NDUFAF7: variants seen among roughly 807,000 people sequenced by gnomAD.
NDUFAF7 encodes protein arginine methyltransferase NDUFAF7, mitochondrial.
In NDUFAF7, 48 loss-of-function variants were observed where a neutral mutation model predicts 47.2. That is an observed-to-expected ratio of 1.02 (90% CI 0.81 to 1.29). NDUFAF7 has a LOEUF of 1.29. Ranked by LOEUF, NDUFAF7 falls within the 50% of genes most tolerant of loss-of-function variation. The pLI is 0.00. For synonymous variants in NDUFAF7, 217 were observed against 190.0 expected (o/e 1.14, Z -1.17); for missense variants, 635 against 537.6 (o/e 1.18, Z -1.79).
At chr2:37,233,618 T>C in intron 2 of NDUFAF7, among the ~76,000 whole-genome samples, 1 of 136,810 alleles carries the variant, frequency 7.3e-6, no homozygotes, top group African/African-American at 2.8e-5. Context: ...CGAGACTCTG[T>C]CTCAAAAAAA....
downstream of NDUFAF7, chr2:37,252,847 T>TTATATTTATATA (rs1553362997): frequency 4.1e-5 from 6 of 145,014 alleles, no homozygotes; most frequent in South Asian, 2.2e-4. Context: ...ATATTTATAT[T>TTATATTTATATA]TATATATATA....
chr2:37,249,779 G>GAGTT (rs778849392), downstream of NDUFAF7, among the ~76,000 whole-genome samples: 31 of 152,230 alleles, frequency 2.0e-4, no homozygotes, highest in Admixed American at 1.7e-3. Context: ...TGGAAACAAA[G>GAGTT]AGTTAGAGAA....
chr2:37,258,253 CAT>C (rs1375586205), downstream of NDUFAF7, among the ~76,000 whole-genome samples: 4 of 152,332 alleles, frequency 2.6e-5, no homozygotes, highest in East Asian at 5.8e-4. Context: ...GACTCTGACA[CAT>C]ATTTTTATGA....
chr2:37,270,120 G>A, the NDUFAF7 span, among the ~76,000 whole-genome samples: 2 of 151,974 alleles, frequency 1.3e-5, no homozygotes, highest in Admixed American at 6.6e-5. Flanking sequence ...CTAGCTACTC[G>A]GGAGGCTGAG....
intron 2 of NDUFAF7, among the ~76,000 whole-genome samples, chr2:37,234,678 G>T (rs6744166): frequency 5.3e-4 from 80 of 152,256 alleles, no homozygotes; most frequent in African/African-American, 1.9e-3. Flanking sequence ...TTTGAATGCT[G>T]AAGGGGGAAA....
downstream of NDUFAF7, among the ~76,000 whole-genome samples, chr2:37,257,746 T>C (rs1239192688): frequency 6.6e-6 from 1 of 151,730 alleles, no homozygotes; most frequent in African/African-American, 2.4e-5. Flanking sequence ...GAATCTCTTT[T>C]CCTAAGGATG....
rs1667181808 is a variant in NDUFAF7 at position 37,248,679 on chromosome 2, C to T, written c.*329C>T. On this transcript the variant is annotated 3_prime_UTR_variant, in exon 10 of 10. Coordinates refer to ENST00000002125, the MANE Select transcript of NDUFAF7 (RefSeq NM_144736.5). ...CCTGTAATCCCAGCACTTTGGGAGGCTGAGGTGGGCATATCACCTGAGGTC... is the reference window on the plus strand; with the variant it reads ...CCTGTAATCCCAGCACTTTGGGAGGTTGAGGTGGGCATATCACCTGAGGTC... 1 of 350,508 alleles carries T rather than the reference C, an allele frequency of 2.9e-6. No individual in the cohort carries two copies. The highest frequency in any genetic ancestry group is 7.4e-5 in the East Asian group (1 of 13,578). The allele number at this position is 350,508 out of a possible 1,614,324, so 21.7% of individuals were successfully genotyped here.
chr2:37,235,595 C>G (rs1164284766), intron 2 of NDUFAF7, among the ~76,000 whole-genome samples: 2 of 152,008 alleles, frequency 1.3e-5, no homozygotes, highest in African/African-American at 4.8e-5. Context: ...TGTAAAATGA[C>G]TGTTACTTTG....
At chr2:37,249,441 G>A (rs1423901612), downstream of NDUFAF7, among the ~76,000 whole-genome samples, 1 of 152,024 alleles carries the variant, frequency 6.6e-6, no homozygotes, top group Non-Finnish European at 1.5e-5. Flanking sequence ...GCCTGGTGTG[G>A]TGGTGGGCGC....
chr2:37,256,901 C>T (rs1667997686), downstream of NDUFAF7: 12 of 1,613,830 alleles, frequency 7.4e-6, no homozygotes, highest in South Asian at 1.1e-5. Context: ...ACCAATGATG[C>T]GTGCAAATCC....
chr2:37,232,424 GGTCAGGGCTGGCTCAC>G (rs1042346207), intron 2 of NDUFAF7, among the ~76,000 whole-genome samples, 158 bp downstream of exon 2: 2 of 152,184 alleles, frequency 1.3e-5, no homozygotes, highest in African/African-American at 4.8e-5. Flanking sequence ...TTTGTCAGTT[GGTCAGGGCTGGCTCAC>G]GTCAGAGGCA....
chr2:37,266,949 T>G, the NDUFAF7 span, among the ~76,000 whole-genome samples: 1 of 152,238 alleles, frequency 6.6e-6, no homozygotes, highest in African/African-American at 2.4e-5. Flanking sequence ...GTAAAAATGC[T>G]AGATGAAAAA....
In NDUFAF7 at chr2:37,242,387, A is replaced by T. The variant is rs530592378; in HGVS notation, c.623-248A>T. ...CAACTCTGACTTCTAATTTCTTTCAAGCCTTGTGATGAATAAAAGCTTTAA... is the reference window on the plus strand; with the variant it reads ...CAACTCTGACTTCTAATTTCTTTCATGCCTTGTGATGAATAAAAGCTTTAA... On this transcript the variant is annotated intron_variant, in intron 5 of 9. Transcript: ENST00000002125. 3 of 327,522 alleles carry T rather than the reference A, an allele frequency of 9.2e-6. No homozygotes were observed. The South Asian group carries it at 1.2e-4, about 13-fold the overall frequency. 20.3% of individuals were successfully genotyped at this position (327,522 alleles called of 1,614,324 possible).
rs540648312 is a variant in NDUFAF7 at position 37,248,073 on chromosome 2, G to C, written c.1111-62G>C. 279 of 1,303,062 alleles carry C rather than the reference G, an allele frequency of 2.1e-4. 3 individuals are homozygous for C. In the South Asian group the frequency reaches 3.4e-3, roughly 16 times the overall value. 80.7% of individuals were successfully genotyped at this position (1,303,062 alleles called of 1,614,324 possible). ...GGAATATTTGAGAGTCATTAGTATTGCTGCATGTAACTAGGAATCCTGTCT... is the reference window on the plus strand; with the variant it reads ...GGAATATTTGAGAGTCATTAGTATTCCTGCATGTAACTAGGAATCCTGTCT... On this transcript the variant is annotated intron_variant, in intron 9 of 9. Transcript: ENST00000002125.
At chr2:37,264,608 G>C in the NDUFAF7 span, among the ~76,000 whole-genome samples, 128 of 152,140 alleles carry the variant, frequency 8.4e-4, no homozygotes, top group Non-Finnish European at 1.1e-3. Context: ...ACGGAGACAA[G>C]GGAGTATGAC....
In NDUFAF7 at chr2:37,237,596, G is replaced by C. The variant is rs1330780833; in HGVS notation, c.298-161G>C. Among the ~76,000 whole-genome samples the C allele has an allele frequency of 2.6e-5, 4 of 152,192 alleles. No individual in the cohort carries two copies. In the East Asian group the frequency reaches 7.7e-4, roughly 29 times the overall value. On this transcript the variant is annotated intron_variant, in intron 3 of 9. Transcript: ENST00000002125. ...GTATGTTATGATGTAGTCCCAGGAA[G>C]TTCCTATGTGAACATGTACGTATGT...
chr2:37,253,312 A>G (rs765963451), downstream of NDUFAF7: 1 of 1,613,078 alleles, frequency 6.2e-7, no homozygotes, highest in South Asian at 1.1e-5. Context: ...CTCCAATGCG[A>G]GTTTCAAATT....
At chr2:37,259,484 G>T in the NDUFAF7 span, 1 of 736,476 alleles carries the variant, frequency 1.4e-6, no homozygotes, top group Non-Finnish European at 2.2e-6. Context: ...AAGGTGGTAT[G>T]CATTTTTAAC....
At chr2:37,259,578 C>T in the NDUFAF7 span, 2 of 1,599,904 alleles carry the variant, frequency 1.3e-6, no homozygotes, top group Non-Finnish European at 1.7e-6. Context: ...TGGAGAATAT[C>T]TCACCTGAGG....
Sources: gnomAD v4.1 joint callset for allele counts (sites outside exome capture counted in the v4.1 genomes callset) on GRCh38, gnomAD v4.1.1 for gene constraint, MANE v1.5 for transcripts, NCBI Gene and HGNC (gene_info 2026-07-23, HGNC 2026-07-21) for gene names.